The following SHLD1 variants were observed in gnomAD, a reference collection of about 807,000 sequenced individuals.
SHLD1 encodes RINN1-REV7-interacting novel NHEJ regulator 3.
Under a neutral mutation model 5.5 loss-of-function variants are expected in SHLD1, and 3 were observed. The observed-to-expected ratio is 0.54, with a 90% CI of 0.25 to 1.40. The LOEUF (loss-of-function observed/expected upper bound fraction) is 1.40, where lower values mean the gene tolerates loss of function less well. Ranked by LOEUF, SHLD1 falls within the 40% of genes most tolerant of loss-of-function variation. The pLI, the probability that SHLD1 is intolerant of heterozygous loss-of-function variation, is 0.15. For synonymous variants in SHLD1, 92 were observed against 94.3 expected, an observed-to-expected ratio of 0.98 and a Z score of 0.14; for missense variants, 210 against 244.4, an observed-to-expected ratio of 0.86 and a Z score of 0.94.
intron 1 of SHLD1, among the ~76,000 whole-genome samples, chr20:5,756,213 G>A (rs1169582999): frequency 3.3e-5 from 5 of 151,930 alleles, no homozygotes; most frequent in Non-Finnish European, 1.5e-5. Flanking sequence ...CACTTCGGTA[G>A]GCCAAGGTGG....
In SHLD1 at chr20:5,855,243, T is replaced by C. The variant is rs1395940385; in HGVS notation, c.179-7781T>C. ...GTGGAATCATACAGTATTTTTCCTA[T>C]TGTGGCTGGCTTATTTCACTTAGCA... On this transcript the variant is annotated intron_variant, in intron 2 of 2. Transcript: ENST00000303142. The surrounding 1 kb of genome is among the most constrained non-coding windows in gnomAD (Gnocchi z 4.4). 2.0e-5 allele frequency among the ~76,000 whole-genome samples: 3 copies of C among 152,308 alleles called. No individual in the cohort carries two copies. Among genetic ancestry groups the C allele is most frequent in the Admixed American group, 2.0e-4 (3 of 15,300 alleles).
rs1357087173 is a variant in SHLD1, at chr20:5,844,786, TA to T, written c.179-18237del. The stretch of plus-strand genomic sequence containing the variant: ...TGTAGTAGACATATATATATATATA[TA>T]TATATATATATATTTTTTTTTTTTT... On this transcript the variant is annotated intron_variant, in intron 2 of 2. Coordinates refer to ENST00000303142, the MANE Select transcript of SHLD1 (RefSeq NM_152504.4). Among the ~76,000 whole-genome samples the T allele has an allele frequency of 9.0e-3, 938 of 104,420 alleles. 17 individuals are homozygous for T. The highest frequency in any genetic ancestry group is 0.039 in the African/African-American group (793 of 20,384). The allele number at this position is 104,420 out of a possible 152,430, so 68.5% of individuals were successfully genotyped here.
At chr20:5,781,290 T>C (rs2086986204) in intron 2 of SHLD1, among the ~76,000 whole-genome samples, 1 of 152,120 alleles carries the variant, frequency 6.6e-6, no homozygotes, top group African/African-American at 2.4e-5. Context: ...CCCAGCACTT[T>C]GGGAGGTCAA....
At chr20:5,823,608 CA>C (rs2087633409) in intron 2 of SHLD1, among the ~76,000 whole-genome samples, 1 of 151,892 alleles carries the variant, frequency 6.6e-6, no homozygotes, top group Non-Finnish European at 1.5e-5. Flanking sequence ...CCACCACACC[CA>C]GTTAATTTTT....
At chr20:5,788,874 G>A (rs973201524) in intron 2 of SHLD1, among the ~76,000 whole-genome samples, 1 of 152,206 alleles carries the variant, frequency 6.6e-6, no homozygotes, top group Non-Finnish European at 1.5e-5. Flanking sequence ...GCTCATGCCT[G>A]TAATCCCAGC....
At chr20:5,809,215 A>T (rs2099439974) in intron 2 of SHLD1, among the ~76,000 whole-genome samples, 1 of 152,132 alleles carries the variant, frequency 6.6e-6, no homozygotes, top group Admixed American at 6.5e-5. Flanking sequence ...AGTGGAAAGG[A>T]TCTTAACGTA....
In SHLD1 at chr20:5,796,535, G is replaced by C. The variant is rs148880364; in HGVS notation, c.178+23492G>C. 2.7e-3 allele frequency among the ~76,000 whole-genome samples: 403 copies of C among 152,068 alleles called. 4 individuals are homozygous for C. The highest frequency in any genetic ancestry group is 9.3e-3 in the African/African-American group (385 of 41,518). On this transcript the variant is annotated intron_variant, in intron 2 of 2. Transcript: ENST00000303142. ...ACATTTTCAGCGTGAGTTAGAAAGG[G>C]GGGAGATGAGGCCGGGCGCAGTGGC...
chr20:5,791,780 A>G (rs1600126507), intron 2 of SHLD1, among the ~76,000 whole-genome samples: 1 of 152,152 alleles, frequency 6.6e-6, no homozygotes, highest in East Asian at 1.9e-4. Context: ...AGAACTCTCA[A>G]AACTCGACTC....
rs2093851176 is a variant in SHLD1, at chr20:5,864,080, TA to T, written c.*620del. Among the ~76,000 whole-genome samples, 1 of 152,182 alleles carries T rather than the reference TA, an allele frequency of 6.6e-6. No individual in the cohort carries two copies. The highest frequency in any genetic ancestry group is 1.5e-5 in the Non-Finnish European group (1 of 68,024). ...TGAGAATACATGTCCTAAAATAATA[TA>T]AAGATTGAAATACAGTTGAGAAAAG... On this transcript the variant is annotated 3_prime_UTR_variant, in exon 3 of 3. Coordinates refer to ENST00000303142, the MANE Select transcript of SHLD1 (RefSeq NM_152504.4).
intron 2 of SHLD1, among the ~76,000 whole-genome samples, chr20:5,841,100 A>C (rs577323833): frequency 2.0e-5 from 3 of 152,308 alleles, no homozygotes; most frequent in South Asian, 2.1e-4. Context: ...GTTACCAATT[A>C]GAACCATCTA....
At chr20:5,854,899 G>A (rs892170447) in intron 2 of SHLD1, among the ~76,000 whole-genome samples, 1 of 108,860 alleles carries the variant, frequency 9.2e-6, no homozygotes, top group African/African-American at 4.5e-5. Flanking sequence ...GACAGGTCTT[G>A]TGCAGTCACC....
chr20:5,754,256 AG>A (rs1439197004), intron 1 of SHLD1, among the ~76,000 whole-genome samples: 1 of 152,068 alleles, frequency 6.6e-6, no homozygotes, highest in Admixed American at 6.5e-5. Context: ...GACTACAGGC[AG>A]GCACCACCAT....
chr20:5,832,064 G>A (rs140136876), intron 2 of SHLD1, among the ~76,000 whole-genome samples: 35 of 152,216 alleles, frequency 2.3e-4, no homozygotes, highest in African/African-American at 8.2e-4. Flanking sequence ...CCTCAGCCTC[G>A]CAGGTAGCTG....
intron 2 of SHLD1, among the ~76,000 whole-genome samples, chr20:5,836,533 TC>T (rs1388171063): frequency 6.6e-6 from 1 of 152,234 alleles, no homozygotes; most frequent in African/African-American, 2.4e-5. Context: ...GCAAAGCTGT[TC>T]CCATCTCATG....
intron 2 of SHLD1, among the ~76,000 whole-genome samples, chr20:5,835,135 G>A (rs2087774856): frequency 6.6e-6 from 1 of 152,134 alleles, no homozygotes; most frequent in East Asian, 1.9e-4. Flanking sequence ...GTATTCTGCA[G>A]ACACAGTTTG....
chr20:5,811,308 A>G (rs2087455631), intron 2 of SHLD1, among the ~76,000 whole-genome samples: 1 of 152,150 alleles, frequency 6.6e-6, no homozygotes, highest in Non-Finnish European at 1.5e-5. Flanking sequence ...TAGCGAAGTC[A>G]TAGGACAGGA....
intron 2 of SHLD1, among the ~76,000 whole-genome samples, chr20:5,793,030 G>A (rs2087164229): frequency 6.6e-6 from 1 of 152,182 alleles, no homozygotes; most frequent in South Asian, 2.1e-4. Context: ...ATTTGTTGGA[G>A]AGACCTTCTT....
At chr20:5,785,000 TCTGGC>T (rs796442651) in intron 2 of SHLD1, among the ~76,000 whole-genome samples, 23 of 152,336 alleles carry the variant, frequency 1.5e-4, no homozygotes, top group African/African-American at 5.5e-4. Context: ...GACCTCATGT[TCTGGC>T]CTGATAGCTC....
intron 2 of SHLD1, among the ~76,000 whole-genome samples, chr20:5,854,872 C>CT (rs55776293): frequency 0.66 from 85,438 of 130,246 alleles, 28,309 homozygotes; most frequent in Non-Finnish European, 0.73. Context: ...CTCTATGACT[C>CT]TTTTTTTTTT....
Sources: allele counts gnomAD v4.1 joint callset (sites outside exome capture counted in the v4.1 genomes callset), GRCh38; gene constraint gnomAD v4.1.1; non-coding constraint Gnocchi (gnomAD v3.1); transcripts MANE v1.5; gene names NCBI Gene and HGNC (gene_info 2026-07-23, HGNC 2026-07-21).